Variants in QSOX1 observed in about 807,000 individuals in gnomAD.
QSOX1 encodes the protein quiescin sulfhydryl oxidase 1, also known as sulfhydryl oxidase 1.
Under a neutral mutation model 76.1 loss-of-function variants are expected in QSOX1, and 40 were observed. That is an observed-to-expected ratio of 0.53 (90% CI 0.41 to 0.68). The LOEUF is 0.68. Ranked by LOEUF, QSOX1 falls within the 30% of genes least tolerant of loss-of-function variation. The pLI is 0.00. For missense variants in QSOX1, 931 were observed against 974.3 expected (o/e 0.96, Z 0.59); for synonymous variants, 392 against 413.1 (o/e 0.95, Z 0.62).
At chr1:180,189,192 A>G (rs1285028395) in intron 8 of QSOX1, among the ~76,000 whole-genome samples, 2 of 152,150 alleles carry the variant, frequency 1.3e-5, no homozygotes, top group Non-Finnish European at 2.9e-5. Context: ...CAGCCCTGGC[A>G]AGGGGCACAA....
Position 180,194,996 on chromosome 1 carries a change from C to CG in QSOX1, c.1468+613dup, listed in dbSNP as rs139041586. ...GGTGCACGTGGCTGTGACAGCCTCCCGGGGGGGGGAGACCAGGGCGGAGCC... is the reference window on the plus strand; with the variant it reads ...GGTGCACGTGGCTGTGACAGCCTCCCGGGGGGGGGGAGACCAGGGCGGAGCC... On this transcript the variant is annotated intron_variant, in intron 11 of 11. Coordinates refer to ENST00000367602, the MANE Select transcript of QSOX1 (RefSeq NM_002826.5). Among the ~76,000 whole-genome samples, 42 of 136,062 alleles carry CG rather than the reference C, an allele frequency of 3.1e-4. 1 individual carries two copies. Among genetic ancestry groups the CG allele is most frequent in the African/African-American group, 1.2e-3 (38 of 32,828 alleles). 89.3% of individuals were successfully genotyped at this position (136,062 alleles called of 152,430 possible).
Position 180,194,437 on chromosome 1 carries a change from G to A in QSOX1, c.1468+45G>A, listed in dbSNP as rs200072701. ...AAGGCTGGAGTCACTTGTGGGGGAC[G>A]AGGGGGTGAGGATACTTGGGAGTCT... On this transcript the variant is annotated intron_variant, in intron 11 of 11. Transcript: ENST00000367602. 26 of 1,498,856 alleles carry A rather than the reference G, an allele frequency of 1.7e-5. No individual in the cohort carries two copies. In the Admixed American group the frequency reaches 1.7e-4, roughly 10 times the overall value. 92.8% of individuals were successfully genotyped at this position (1,498,856 alleles called of 1,614,324 possible). A position where few individuals can be genotyped will look rare whatever the true frequency, so the allele number is the denominator to read the frequency against.
At chr1:180,168,688 G>A (rs1321881993) in intron 2 of QSOX1, among the ~76,000 whole-genome samples, 2 of 151,478 alleles carry the variant, frequency 1.3e-5, no homozygotes, top group East Asian at 1.9e-4. Flanking sequence ...TTTTAAATCC[G>A]GCTGTGATTA....
At chr1:180,162,382 G>A (rs1183845021) in intron 1 of QSOX1, among the ~76,000 whole-genome samples, 1 of 152,126 alleles carries the variant, frequency 6.6e-6, no homozygotes, top group Non-Finnish European at 1.5e-5. Flanking sequence ...AGTTCAGAAA[G>A]CCTTAATTTA....
Position 180,154,916 on chromosome 1 carries a change from G to A in QSOX1, c.9G>A (p.Arg3=), listed in dbSNP as rs955928551. 6.9e-7 allele frequency: 1 copy of A among 1,459,680 alleles called. No individual in the cohort carries two copies. Among genetic ancestry groups the A allele is most frequent in the Non-Finnish European group, 9.0e-7 (1 of 1,114,256 alleles). The allele number at this position is 1,459,680 out of a possible 1,614,324, so 90.4% of individuals were successfully genotyped here. ...TGAGCGCAGCGCCGAGGATGAGGAGGTGCAACAGCGGCTCCGGGCCGCCGC... is the reference window on the plus strand; with the variant it reads ...TGAGCGCAGCGCCGAGGATGAGGAGATGCAACAGCGGCTCCGGGCCGCCGC... MR[R]CNSGSGPPPS... Residue 3 remains arginine (R), a synonymous_variant, in exon 1 of 12, where the codon AGG becomes AGA. Transcript: ENST00000367602.
At chr1:180,178,045 C>A (rs1195332157) in intron 4 of QSOX1, among the ~76,000 whole-genome samples, 2 of 152,124 alleles carry the variant, frequency 1.3e-5, no homozygotes, top group Admixed American at 1.3e-4. Context: ...CACATCTCCC[C>A]CTTGGTCGTG....
intron 8 of QSOX1, among the ~76,000 whole-genome samples, chr1:180,187,880 G>T (rs1300396823): frequency 6.6e-6 from 1 of 152,230 alleles, no homozygotes; most frequent in African/African-American, 2.4e-5. Context: ...CACATCCCCT[G>T]GGGTCTGTAG....
chr1:180,175,046 A>G (rs1251856625), intron 2 of QSOX1, among the ~76,000 whole-genome samples: 1 of 151,832 alleles, frequency 6.6e-6, no homozygotes, highest in Non-Finnish European at 1.5e-5. Context: ...AGTCCCAGCT[A>G]CCTGGGAAGC....
Position 180,197,924 on chromosome 1 carries a change from G to A in QSOX1, c.*887G>A, listed in dbSNP as rs2149244612. 1 of 326,506 alleles carries A rather than the reference G, an allele frequency of 3.1e-6. No homozygotes were observed. The highest frequency in any genetic ancestry group is 1.2e-3 in the Middle Eastern group (1 of 868). The allele number at this position is 326,506 out of a possible 1,614,324, so 20.2% of individuals were successfully genotyped here. Reference sequence around the variant, plus strand: ...TTCTCTCTCCAGGTTTCACCTTCCAGTGTGCAGAAGTTAGAAGGGTCTGGC... The same window carrying A: ...TTCTCTCTCCAGGTTTCACCTTCCAATGTGCAGAAGTTAGAAGGGTCTGGC... On this transcript the variant is annotated 3_prime_UTR_variant, in exon 12 of 12. Coordinates refer to ENST00000367602, the MANE Select transcript of QSOX1 (RefSeq NM_002826.5).
At chr1:180,187,050 G>A (rs1444359011) in intron 8 of QSOX1, among the ~76,000 whole-genome samples, 1 of 152,214 alleles carries the variant, frequency 6.6e-6, no homozygotes, top group African/African-American at 2.4e-5. Context: ...CTGGGGCCCG[G>A]ATCTGAGCCC....
intron 1 of QSOX1, among the ~76,000 whole-genome samples, chr1:180,158,909 T>G (rs61828288): frequency 0.077 from 11,768 of 152,292 alleles, 519 homozygotes; most frequent in Non-Finnish European, 0.088. Flanking sequence ...TGGCCCTCGC[T>G]GATCCAGGAG....
chr1:180,176,715 CAAGAT>C (rs956641156), intron 4 of QSOX1, among the ~76,000 whole-genome samples: 1 of 152,220 alleles, frequency 6.6e-6, no homozygotes, highest in Non-Finnish European at 1.5e-5. Context: ...GATCAGAACT[CAAGAT>C]AGGATAATGC....
rs183374928 is a variant in QSOX1 at position 180,183,020 on chromosome 1, G to A, written c.752+701G>A. Among the ~76,000 whole-genome samples the A allele has an allele frequency of 2.1e-3, 320 of 152,276 alleles. 5 individuals carry two copies. Among genetic ancestry groups the A allele is most frequent in the East Asian group, 1.4e-3 (7 of 5,164 alleles). ...CCCTGGCCCAGATCACCTGCTAGAG[G>A]GCCCAGGAGGTGCGATGCCACCAAG... is the stretch of plus-strand genomic sequence containing the variant. On this transcript the variant is annotated intron_variant, in intron 6 of 11. Transcript: ENST00000367602.
chr1:180,171,176 T>A (rs903812894), intron 2 of QSOX1, among the ~76,000 whole-genome samples: 1 of 152,190 alleles, frequency 6.6e-6, no homozygotes, highest in African/African-American at 2.4e-5. Flanking sequence ...CTAAAACTTC[T>A]GAGAGCATGA....
chr1:180,167,889 C>A (rs946777656), intron 2 of QSOX1, among the ~76,000 whole-genome samples: 1 of 152,226 alleles, frequency 6.6e-6, no homozygotes, highest in Non-Finnish European at 1.5e-5. Context: ...GCACTCTGTT[C>A]CTTTGGCTGA....
At chr1:180,159,868 TC>T (rs1662455598) in intron 1 of QSOX1, among the ~76,000 whole-genome samples, 1 of 152,166 alleles carries the variant, frequency 6.6e-6, no homozygotes. Flanking sequence ...TTAACAGTTC[TC>T]CCCTTTTGGT....
intron 10 of QSOX1, among the ~76,000 whole-genome samples, chr1:180,192,333 A>G (rs1663339804): frequency 6.6e-6 from 1 of 152,016 alleles, no homozygotes; most frequent in African/African-American, 2.4e-5. Flanking sequence ...CAGGGTTTGG[A>G]GGTTGGTGTT....
Position 180,196,400 on chromosome 1 carries a change from C to T in QSOX1, c.1607C>T (p.Ser536Phe), listed in dbSNP as rs774436755. The stretch of plus-strand genomic sequence containing the variant: ...CTCAACTTCCTCAAGGCCCACTTCT[C>T]CCCAAGCAACATCATCCTGGACTTC... The part of the protein sequence containing the change: ...ATLNFLKAHF[S>F]PSNIILDFPA... The change falls in exon 12 of 12, where the codon TCC becomes TTC. Residue 536 changes from serine to phenylalanine, a missense_variant. Physicochemically the swap from Ser to Phe is radical, Grantham distance 155. Coordinates refer to ENST00000367602, the MANE Select transcript of QSOX1 (RefSeq NM_002826.5). This position sits in a 1 kb window ranked among gnomAD's most constrained non-coding sequence, Gnocchi z 4.1. 2 of 1,614,104 alleles carry T rather than the reference C, an allele frequency of 1.2e-6. No individual in the cohort carries two copies. Among genetic ancestry groups the T allele is most frequent in the African/African-American group, 1.3e-5 (1 of 74,926 alleles).
intron 10 of QSOX1, among the ~76,000 whole-genome samples, chr1:180,193,499 G>A (rs368181955): frequency 1.3e-5 from 2 of 152,148 alleles, no homozygotes; most frequent in East Asian, 3.9e-4. Flanking sequence ...GCTTCTAAAG[G>A]CCTGGGAGGT....
Sources: allele counts gnomAD v4.1 joint callset (sites outside exome capture counted in the v4.1 genomes callset), GRCh38; gene constraint gnomAD v4.1.1; non-coding constraint Gnocchi (gnomAD v3.1); transcripts MANE v1.5; gene names NCBI Gene and HGNC (gene_info 2026-07-23, HGNC 2026-07-21).